Variants in NUDC observed in about 807,000 individuals in gnomAD.
The protein encoded by NUDC is nuclear migration protein nudC.
Under a neutral mutation model 45.0 loss-of-function variants are expected in NUDC, and 14 were observed. The observed-to-expected ratio is 0.31, with a 90% CI of 0.21 to 0.49. NUDC has a LOEUF of 0.49. NUDC is among the 20% of genes least tolerant of loss of function. The pLI, the probability that NUDC is intolerant of heterozygous loss-of-function variation, is 0.99. For synonymous variants in NUDC, 153 were observed against 156.7 expected (o/e 0.98, Z 0.17); for missense variants, 323 against 426.2 (o/e 0.76, Z 2.13).
rs756541904 is a variant in NUDC at position 26,942,812 on chromosome 1, C to G, written c.546+36C>G. 16 of 1,613,962 alleles carry G rather than the reference C, an allele frequency of 9.9e-6. No homozygotes were observed. In the Middle Eastern group the frequency reaches 1.3e-3, roughly 133 times the overall value. Reference sequence around the variant, plus strand: ...GGGACCAGAGGTAAAGCTTAGGGGGCCAGCCTGGGGTACCAGCAGCACTTA... The same window carrying G: ...GGGACCAGAGGTAAAGCTTAGGGGGGCAGCCTGGGGTACCAGCAGCACTTA... On this transcript the variant is annotated intron_variant, in intron 5 of 8. Transcript: ENST00000321265.
At chr1:26,900,431 G>A (rs758825388) in intron 1 of NUDC, 1 of 1,609,024 alleles carries the variant, frequency 6.2e-7, no homozygotes, top group Non-Finnish European at 8.5e-7. Context: ...CCGCCTCGCC[G>A]GGCACCGCCA....
Position 26,903,837 on chromosome 1 carries a change from C to T in NUDC, c.-16+1471C>T, listed in dbSNP as rs916660645. On this transcript the variant is annotated intron_variant, in intron 2 of 6. Transcript: ENST00000435827. ...CATCCTGGCTAACACGGTGAAACCCCATCTCTACTAAAAATACAAAAAAAT... is the reference window on the plus strand; with the variant it reads ...CATCCTGGCTAACACGGTGAAACCCTATCTCTACTAAAAATACAAAAAAAT... Among the ~76,000 whole-genome samples, 5 of 151,768 alleles carry T rather than the reference C, an allele frequency of 3.3e-5. No individual in the cohort carries two copies. The South Asian group carries it at 8.3e-4, about 25-fold the overall frequency.
intron 3 of NUDC, among the ~76,000 whole-genome samples, chr1:26,914,117 T>C (rs1570715171): frequency 6.6e-6 from 1 of 150,744 alleles, no homozygotes. Context: ...GGGGAAGTGG[T>C]GGGGGAGGGG....
At chr1:26,923,685 T>C (rs1436109998) in intron 1 of NUDC, among the ~76,000 whole-genome samples, 5 of 152,136 alleles carry the variant, frequency 3.3e-5, no homozygotes, top group Non-Finnish European at 7.4e-5. Context: ...TTGGCCAGGC[T>C]GGTCTTGAAC....
At position 26,941,923 on chromosome 1, in the gene NUDC, C is replaced by T. The variant is rs1570745144; in HGVS notation, c.429+105C>T. The T allele has an allele frequency of 3.8e-6, 4 of 1,051,514 alleles. No homozygotes were observed. The East Asian group carries it at 1.0e-4, about 27-fold the overall frequency. 65.1% of individuals were successfully genotyped at this position (1,051,514 alleles called of 1,614,324 possible). The stretch of plus-strand genomic sequence containing the variant: ...AATACCCTTCCTTATCCTATCCCCT[C>T]CCCTCCTGGCTTTGGGAATCTTCCC... On this transcript the variant is annotated intron_variant, in intron 4 of 8. Coordinates refer to ENST00000321265, the MANE Select transcript of NUDC (RefSeq NM_006600.4).
At chr1:26,918,691 C>T (rs764553723), upstream of NUDC, among the ~76,000 whole-genome samples, 46 of 151,796 alleles carry the variant, frequency 3.0e-4, no homozygotes, top group Non-Finnish European at 4.9e-4. Flanking sequence ...TCTCCTGCCT[C>T]GGCCTCCCAA....
At chr1:26,945,214 G>A in intron 6 of NUDC, 176 bp from the exon 7 acceptor site, 1 of 654,408 alleles carries the variant, frequency 1.5e-6, no homozygotes, top group Non-Finnish European at 2.8e-6. Flanking sequence ...CTTTGCCTCT[G>A]TGTCTCCCCT....
chr1:26,911,662 CTG>C (rs2082027238), intron 3 of NUDC: 1 of 705,844 alleles, frequency 1.4e-6, no homozygotes, highest in Admixed American at 2.2e-5. Context: ...AGCTGGAACA[CTG>C]TGTCCAAACC....
upstream of NUDC, among the ~76,000 whole-genome samples, chr1:26,917,886 CAAAA>C (rs1391928118): frequency 9.3e-6 from 1 of 107,150 alleles, no homozygotes; most frequent in Non-Finnish European, 1.9e-5. Flanking sequence ...GACTGCGTCT[CAAAA>C]AAAAAAAAAA....
chr1:26,904,301 T>TAA (rs1322159092), intron 2 of NUDC, among the ~76,000 whole-genome samples: 1 of 151,006 alleles, frequency 6.6e-6, no homozygotes, highest in Non-Finnish European at 1.5e-5. Context: ...CTATCCTAAG[T>TAA]AACTGGGACT....
chr1:26,941,911 A>G (rs1570745111), intron 4 of NUDC, 93 bp downstream of exon 4: 2 of 1,197,642 alleles, frequency 1.7e-6, no homozygotes, highest in East Asian at 5.0e-5. Context: ...ACCCTTCCTT[A>G]TCCTATCCCC....
chr1:26,923,563 C>T (rs1245649907), intron 1 of NUDC, among the ~76,000 whole-genome samples: 1 of 152,044 alleles, frequency 6.6e-6, no homozygotes, highest in Non-Finnish European at 1.5e-5. Flanking sequence ...CTCTGCTTCC[C>T]GGGTTCAAGT....
rs2082092209 is a variant in NUDC, at chr1:26,921,752, GGAC to G, written c.-93_-91del. The G allele has an allele frequency of 7.6e-7, 1 of 1,314,746 alleles. No homozygotes were observed. Among genetic ancestry groups the G allele is most frequent in the Admixed American group, 2.0e-5 (1 of 50,080 alleles). The allele number at this position is 1,314,746 out of a possible 1,614,324, so 81.4% of individuals were successfully genotyped here. A position where few individuals can be genotyped will look rare whatever the true frequency, so the allele number is the denominator to read the frequency against. On this transcript the variant is annotated 5_prime_UTR_variant, in exon 1 of 9. Coordinates refer to ENST00000321265, the MANE Select transcript of NUDC (RefSeq NM_006600.4). ...TGTTTCCGGCTCCGCTGCGGAAGGC[GGAC>G]GACTAGAGTCGTTGGGCCCGGCGCG...
rs12021863 is a variant in NUDC, at chr1:26,937,898, C to T, written c.160-3559C>T. Among the ~76,000 whole-genome samples the T allele has an allele frequency of 1.1e-3, 171 of 152,192 alleles. 2 individuals are homozygous for T. The East Asian group carries it at 0.024, about 22-fold the overall frequency. On this transcript the variant is annotated intron_variant, in intron 2 of 8. Coordinates refer to ENST00000321265, the MANE Select transcript of NUDC (RefSeq NM_006600.4). Reference sequence around the variant, plus strand: ...TCCTGGGCTCAAGTGATCTGTCTGCCTCTGCTTCCCAAAGTGCTGGGATTA... The same window carrying T: ...TCCTGGGCTCAAGTGATCTGTCTGCTTCTGCTTCCCAAAGTGCTGGGATTA...
chr1:26,901,300 A>G (rs1280814706), intron 1 of NUDC, among the ~76,000 whole-genome samples: 1 of 151,432 alleles, frequency 6.6e-6, no homozygotes, highest in Non-Finnish European at 1.5e-5. Flanking sequence ...TGCATTGCCC[A>G]GGCTGGTATT....
chr1:26,930,360 G>A (rs538431123), intron 2 of NUDC, among the ~76,000 whole-genome samples: 1 of 152,232 alleles, frequency 6.6e-6, no homozygotes, highest in East Asian at 1.9e-4. Context: ...TGTAGAGTGG[G>A]GGTTTCACCA....
intron 2 of NUDC, 139 bp from the exon 3 acceptor site, chr1:26,941,318 C>A: frequency 1.3e-6 from 1 of 770,406 alleles, no homozygotes. Flanking sequence ...GTATTTTCCT[C>A]ATTTTGCACA....
At position 26,946,129 on chromosome 1, in the gene NUDC, G is replaced by A; in HGVS notation, c.945-1G>A. ...GTTTCATCTTGCTTCCGTTTCTCCA[G>A]GTTCATGGATCAACATCCGGAGATG... On this transcript the variant is annotated splice_acceptor_variant, in intron 8 of 8. Transcript: ENST00000321265. LOFTEE classifies it high-confidence loss of function. The A allele has an allele frequency of 1.2e-6, 2 of 1,614,002 alleles. No individual in the cohort carries two copies. The highest frequency in any genetic ancestry group is 1.7e-6 in the Non-Finnish European group (2 of 1,179,900).
At chr1:26,943,240 C>G (rs544072666) in intron 6 of NUDC, among the ~76,000 whole-genome samples, 175 bp downstream of exon 6, 40 of 152,298 alleles carry the variant, frequency 2.6e-4, no homozygotes, top group Admixed American at 5.2e-4. Flanking sequence ...CAAGGTCTCA[C>G]TCTGTTGCCC....
Sources: gnomAD v4.1 joint callset for allele counts (sites outside exome capture counted in the v4.1 genomes callset) on GRCh38, gnomAD v4.1.1 for gene constraint, MANE v1.5 for transcripts, NCBI Gene and HGNC (gene_info 2026-07-23, HGNC 2026-07-21) for gene names.